TUSC3: variants seen among roughly 807,000 people sequenced by gnomAD.
TUSC3 encodes the protein dolichyl-diphosphooligosaccharide--protein glycosyltransferase subunit TUSC3.
In TUSC3, 45 loss-of-function variants were observed where a neutral mutation model predicts 44.8. That is an observed-to-expected ratio of 1.00 (90% confidence interval 0.79 to 1.29). TUSC3 has a LOEUF of 1.29. Among genes scored for constraint, TUSC3 ranks in the 50% most tolerant of loss-of-function variants. The pLI is 0.00. For missense variants in TUSC3, 519 were observed against 437.9 expected (o/e 1.19, Z -1.65); for synonymous variants, 212 against 152.9 (o/e 1.39, Z -2.85).
intron 6 of TUSC3, among the ~76,000 whole-genome samples, chr8:15,718,683 C>G (rs949934613): frequency 6.6e-6 from 1 of 151,944 alleles, no homozygotes; most frequent in African/African-American, 2.4e-5. Flanking sequence ...ATTTTGGTGA[C>G]CTCTTTAATT....
In TUSC3 at chr8:15,495,464, G is replaced by A. The variant is rs147702356; in HGVS notation, n.189+11981G>A. Reference sequence around the variant, plus strand: ...TGAACCCACTGTGCCTGAACCTCCAGCAGGACTCCATTTATTATCTGTTCT... The same window carrying A: ...TGAACCCACTGTGCCTGAACCTCCAACAGGACTCCATTTATTATCTGTTCT... On this transcript the variant is annotated intron_variant and non_coding_transcript_variant, in intron 2 of 5. Transcript: ENST00000503191. Among the ~76,000 whole-genome samples, 370 of 152,268 alleles carry A rather than the reference G, an allele frequency of 2.4e-3. 4 individuals are homozygous for A. The highest frequency in any genetic ancestry group is 8.4e-3 in the African/African-American group (348 of 41,538).
At chr8:15,698,320 C>T (rs1444195603) in intron 6 of TUSC3, among the ~76,000 whole-genome samples, 1 of 152,140 alleles carries the variant, frequency 6.6e-6, no homozygotes, top group Admixed American at 6.5e-5. Context: ...CTGCAAGAAT[C>T]AGTTAAAAAC....
intron 6 of TUSC3, among the ~76,000 whole-genome samples, chr8:15,703,653 A>G (rs902557876): frequency 1.3e-5 from 2 of 152,128 alleles, no homozygotes; most frequent in Non-Finnish European, 2.9e-5. Context: ...AGCCAAAGTT[A>G]TGGGGAGCCA....
At chr8:15,812,753 A>G in the TUSC3 span, among the ~76,000 whole-genome samples, 1 of 152,098 alleles carries the variant, frequency 6.6e-6, no homozygotes. Context: ...CATTGATTCC[A>G]ATAGCTCACG....
At chr8:15,540,645 G>T in intron 1 of TUSC3, 77 bp downstream of exon 1, 1 of 1,442,874 alleles carries the variant, frequency 6.9e-7, no homozygotes, top group Non-Finnish European at 9.2e-7. Flanking sequence ...CAGCCCTGCC[G>T]TGTTGCTAGG....
chr8:15,507,375 T>C (rs1801070776), intron 2 of TUSC3, among the ~76,000 whole-genome samples: 1 of 152,074 alleles, frequency 6.6e-6, no homozygotes, highest in Non-Finnish European at 1.5e-5. Context: ...GATCCCTTTA[T>C]AGTTCATGCC....
intron 1 of TUSC3, among the ~76,000 whole-genome samples, chr8:15,599,907 C>G (rs1489105109): frequency 6.6e-6 from 1 of 151,664 alleles, no homozygotes; most frequent in South Asian, 2.1e-4. Context: ...TCTTTTACTT[C>G]TCCAAATAAA....
intron 1 of TUSC3, among the ~76,000 whole-genome samples, chr8:15,569,467 C>G (rs976086900): frequency 3.3e-5 from 5 of 152,010 alleles, no homozygotes; most frequent in African/African-American, 1.2e-4. Context: ...TTTAACTTGC[C>G]TTGGAATATA....
rs553717053 is a variant in TUSC3, at chr8:15,746,824, GTAAT to G, written c.938-1544_938-1541del. Among the ~76,000 whole-genome samples the G allele has an allele frequency of 3.5e-4, 53 of 152,202 alleles. No individual in the cohort carries two copies. The Middle Eastern group carries it at 0.01, about 29-fold the overall frequency. ...TGGGAAGTATAGAGTAAATAATTTT[GTAAT>G]TAATTATAGGTTTTTATAAACAAAG... On this transcript the variant is annotated intron_variant, in intron 8 of 10. Coordinates refer to ENST00000503731, the MANE Select transcript of TUSC3 (RefSeq NM_006765.4).
intron 2 of TUSC3, among the ~76,000 whole-genome samples, chr8:15,635,067 T>C (rs541404995): frequency 7.4e-4 from 112 of 151,848 alleles, no homozygotes; most frequent in South Asian, 1.5e-3. Context: ...CTTTTTTTTT[T>C]CCCCCCAAAG....
Position 15,758,747 on chromosome 8 carries a change from C to T in TUSC3, c.*46+892C>T, listed in dbSNP as rs529700846. 3.3e-5 allele frequency among the ~76,000 whole-genome samples: 5 copies of T among 152,180 alleles called. No homozygotes were observed. In the East Asian group the frequency reaches 9.7e-4, roughly 29 times the overall value. On this transcript the variant is annotated intron_variant, in intron 10 of 10. Transcript: ENST00000503731. ...CCAGATTGACTATCCATGTTCTGGT[C>T]ATTCCTCATTGTTAAATGTGGTTAA...
At chr8:15,573,173 T>TCC (rs1802946742) in intron 1 of TUSC3, among the ~76,000 whole-genome samples, 3 of 69,218 alleles carry the variant, frequency 4.3e-5, no homozygotes, top group African/African-American at 1.7e-4. Context: ...TCTCTTTCTC[T>TCC]CTCTCTCTCT....
intron 2 of TUSC3, among the ~76,000 whole-genome samples, chr8:15,528,285 T>C (rs1801402907): frequency 6.6e-6 from 1 of 152,178 alleles, no homozygotes; most frequent in African/African-American, 2.4e-5. Flanking sequence ...ATTACTGGCA[T>C]GCAAGTGATT....
chr8:15,448,883 C>T (rs910825149), intron 1 of TUSC3, among the ~76,000 whole-genome samples: 2 of 152,134 alleles, frequency 1.3e-5, no homozygotes, highest in African/African-American at 4.8e-5. Flanking sequence ...TGAAAAATTT[C>T]TATCACCTAG....
chr8:15,658,637 T>TACAC lies in TUSC3; in HGVS notation c.427-869_427-868insCACA, dbSNP rs766936043. Among the ~76,000 whole-genome samples the TACAC allele has an allele frequency of 2.0e-4, 22 of 112,248 alleles. No homozygotes were observed. The East Asian group carries it at 2.4e-3, about 12-fold the overall frequency. 73.6% of individuals were successfully genotyped at this position (112,248 alleles called of 152,430 possible). A position where few individuals can be genotyped will look rare whatever the true frequency, so the allele number is the denominator to read the frequency against. On this transcript the variant is annotated intron_variant, in intron 3 of 10. Coordinates refer to ENST00000503731, the MANE Select transcript of TUSC3 (RefSeq NM_006765.4). ...TAATTCGTGTATATATACACATATA[T>TACAC]ATACACACACACACACACACACAAA...
chr8:15,528,617 T>A (rs541637365), intron 2 of TUSC3, among the ~76,000 whole-genome samples: 1 of 152,360 alleles, frequency 6.6e-6, no homozygotes, highest in East Asian at 1.9e-4. Flanking sequence ...GCTTCACGGC[T>A]ACCTTTCCAG....
At chr8:15,468,960 C>T (rs1007767625) in intron 1 of TUSC3, among the ~76,000 whole-genome samples, 1 of 148,188 alleles carries the variant, frequency 6.7e-6, no homozygotes, top group African/African-American at 2.5e-5. Context: ...ATGAGGGAGG[C>T]AGATGAAGAG....
chr8:15,829,960 T>C, the TUSC3 span, among the ~76,000 whole-genome samples: 1 of 152,112 alleles, frequency 6.6e-6, no homozygotes, highest in African/African-American at 2.4e-5. Flanking sequence ...AATATCTATT[T>C]TTTTCTGGCT....
At chr8:15,756,717 G>T (rs1811942676) in intron 9 of TUSC3, among the ~76,000 whole-genome samples, 1 of 152,130 alleles carries the variant, frequency 6.6e-6, no homozygotes. Flanking sequence ...AATACAGTGA[G>T]GCTTATTGGC....
Sources: gnomAD v4.1 joint callset for allele counts (sites outside exome capture counted in the v4.1 genomes callset) on GRCh38, gnomAD v4.1.1 for gene constraint, MANE v1.5 for transcripts, NCBI Gene and HGNC (gene_info 2026-07-23, HGNC 2026-07-21) for gene names.